PKHD1: variants seen among roughly 807,000 people sequenced by gnomAD.
The protein encoded by PKHD1 is PKHD1 ciliary IPT domain containing fibrocystin/polyductin.
PKHD1 carries 291 observed loss-of-function variants against 412.0 expected under a neutral mutation model. The observed-to-expected ratio is 0.71, with a 90% CI of 0.64 to 0.78. The LOEUF is 0.78. PKHD1 is among the 30% of genes least tolerant of loss of function. The probability of loss-of-function intolerance (pLI) is 0.00; values close to 1 mark genes in which losing one functional copy is unlikely to be tolerated. For missense variants in PKHD1, 4,825 were observed against 4,950.7 expected (o/e 0.97, Z 0.76); for synonymous variants, 1,777 against 1,821.5 (o/e 0.98, Z 0.62).
intron 29 of PKHD1, among the ~76,000 whole-genome samples, chr6:52,029,945 A>C (rs1444047803): frequency 6.6e-6 from 1 of 152,252 alleles, no homozygotes; most frequent in East Asian, 1.9e-4. Flanking sequence ...GAGAAATCCA[A>C]TCTGCAGACA....
chr6:51,881,884 T>C (rs1777431520), intron 46 of PKHD1, among the ~76,000 whole-genome samples: 1 of 152,146 alleles, frequency 6.6e-6, no homozygotes. Context: ...TGCACTTACT[T>C]AAGAGACTGA....
intron 21 of PKHD1, 97 bp downstream of exon 21, chr6:52,052,979 C>G: frequency 9.0e-7 from 1 of 1,108,684 alleles, no homozygotes; most frequent in African/African-American, 1.5e-5. Context: ...GGAGGATCAC[C>G]TGTTCTCTCC....
intron 52 of PKHD1, among the ~76,000 whole-genome samples, chr6:51,802,492 A>T (rs1582779974): frequency 1.3e-5 from 2 of 151,670 alleles, no homozygotes; most frequent in South Asian, 4.1e-4. Flanking sequence ...GGCAACTCTC[A>T]GGTGATCCAA....
At chr6:52,052,996 A>T in intron 21 of PKHD1, 80 bp downstream of exon 21, 1 of 1,371,860 alleles carries the variant, frequency 7.3e-7, no homozygotes, top group South Asian at 1.2e-5. Context: ...CTCCTCATTA[A>T]AAAAAACAGT....
intron 52 of PKHD1, among the ~76,000 whole-genome samples, chr6:51,798,282 G>C (rs537838870): frequency 6.6e-6 from 1 of 152,176 alleles, no homozygotes; most frequent in Admixed American, 6.5e-5. Flanking sequence ...GGGAGGCTGA[G>C]GCACAAGAAT....
chr6:52,046,211 A>G lies in PKHD1; in HGVS notation c.2408-23T>C, dbSNP rs753256396. 1.9e-6 allele frequency: 3 copies of G among 1,543,886 alleles called. No homozygotes were observed. The African/African-American group carries it at 4.1e-5, about 21-fold the overall frequency. ...CATCTGTGAGAGAAGGTTTTGATAC[A>G]GAAAACACAGACACTAATTAATCCA... is the stretch of plus-strand genomic sequence containing the variant. On this transcript the variant is annotated intron_variant, in intron 23 of 66. Coordinates refer to ENST00000371117, the MANE Select transcript of PKHD1 (RefSeq NM_138694.4).
In PKHD1 at chr6:52,028,273, G is replaced by C. The variant is rs904082402; in HGVS notation, c.3443C>G (p.Ala1148Gly). The C allele has an allele frequency of 3.7e-6, 6 of 1,613,950 alleles. No individual in the cohort carries two copies. In the Admixed American group the frequency reaches 8.3e-5, roughly 22 times the overall value. The change falls in exon 30 of 67, where the codon GCC (alanine) becomes GGC (glycine). Residue 1148 changes from alanine to glycine, a missense_variant. Transcript: ENST00000371117. The part of the protein sequence containing the change: ...DLDVEVHVQD[A>G]LAPVHTQSAW... ...CGACTGTGTGTGAACCGGAGCCAAG[G>C]CATCCTGGACGTGGACTTCCACATC...
chr6:51,929,805 G>T (rs1786292306), intron 37 of PKHD1, among the ~76,000 whole-genome samples: 1 of 152,092 alleles, frequency 6.6e-6, no homozygotes, highest in Non-Finnish European at 1.5e-5. Flanking sequence ...CTTCAATCAT[G>T]CCCCACATAC....
rs76256871 is a variant in PKHD1, at chr6:51,973,333, T to C, written c.5752-13307A>G. On this transcript the variant is annotated intron_variant, in intron 35 of 66. Coordinates refer to ENST00000371117, the MANE Select transcript of PKHD1 (RefSeq NM_138694.4). ...CATAAAGCTCAATATAACTTCCATA[T>C]AGCAAAATGCACTTTAATCATTTAC... 6.8e-4 allele frequency among the ~76,000 whole-genome samples: 104 copies of C among 152,318 alleles called. No individual in the cohort carries two copies. The East Asian group carries it at 0.018, about 27-fold the overall frequency.
intron 37 of PKHD1, among the ~76,000 whole-genome samples, chr6:51,917,249 A>G (rs1561872622): frequency 6.6e-6 from 1 of 152,010 alleles, no homozygotes; most frequent in Non-Finnish European, 1.5e-5. Context: ...TTATTAAAAT[A>G]ATGTTTGCAT....
chr6:51,751,922 T>C (rs1262155265), intron 57 of PKHD1, among the ~76,000 whole-genome samples: 1 of 151,966 alleles, frequency 6.6e-6, no homozygotes, highest in Non-Finnish European at 1.5e-5. Context: ...CAAAATAGAG[T>C]TTCTGTTTCC....
intron 26 of PKHD1, 64 bp downstream of exon 26, chr6:52,043,561 C>CATCACTGCAAG: frequency 2.6e-6 from 3 of 1,139,784 alleles, no homozygotes; most frequent in Non-Finnish European, 4.0e-6. Context: ...GCTACATGGC[C>CATCACTGCAAG]TCTAACAAAA....
chr6:52,025,886 T>C lies in PKHD1; in HGVS notation c.3924A>G (p.Gly1308=). The change falls in exon 32 of 67, where the codon GGA becomes GGG. Residue 1308 remains glycine, a synonymous_variant. Coordinates refer to ENST00000371117, the MANE Select transcript of PKHD1 (RefSeq NM_138694.4). Reference sequence around the variant, plus strand: ...GGCTCAGGCTGCTATTTGTGATTTCTCCTTGCATGGCAGTGACTACTGGTG... The same window carrying C: ...GGCTCAGGCTGCTATTTGTGATTTCCCCTTGCATGGCAGTGACTACTGGTG... ...AATPVVTAMQ[G]EITNSSLSLH... is the part of the protein sequence containing the mutation. 6.2e-7 allele frequency: 1 copy of C among 1,614,158 alleles called. No individual in the cohort carries two copies. Among genetic ancestry groups the C allele is most frequent in the Non-Finnish European group, 8.5e-7 (1 of 1,180,030 alleles).
At chr6:52,055,826 TTAAGA>T in intron 18 of PKHD1, 97 bp from the exon 19 acceptor site, 1 of 1,326,176 alleles carries the variant, frequency 7.5e-7, no homozygotes, top group Non-Finnish European at 1.1e-6. Context: ...AGTATCTCAC[TTAAGA>T]AAACCCCCGT....
chr6:51,709,509 G>A (rs1780392180), intron 60 of PKHD1, among the ~76,000 whole-genome samples: 1 of 152,116 alleles, frequency 6.6e-6, no homozygotes, highest in Non-Finnish European at 1.5e-5. Flanking sequence ...CCAACCCCTG[G>A]GAAGATTTTC....
chr6:51,971,454 T>A (rs1366719552), intron 35 of PKHD1, among the ~76,000 whole-genome samples: 1 of 152,172 alleles, frequency 6.6e-6, no homozygotes, highest in East Asian at 1.9e-4. Flanking sequence ...ACACAGGACA[T>A]GCAACATGGA....
chr6:51,804,336 T>G (rs1247524455), intron 52 of PKHD1, among the ~76,000 whole-genome samples: 6 of 107,366 alleles, frequency 5.6e-5, no homozygotes, highest in African/African-American at 2.4e-4. Context: ...TATACATGAC[T>G]AAGTAGAGAA....
At chr6:52,077,050 C>T (rs1811421596) in intron 5 of PKHD1, among the ~76,000 whole-genome samples, 2 of 152,198 alleles carry the variant, frequency 1.3e-5, no homozygotes, top group African/African-American at 2.4e-5. Context: ...CCAAAGCACA[C>T]CCTCTGTTAA....
chr6:52,034,544 A>C (rs1018745851), intron 28 of PKHD1, among the ~76,000 whole-genome samples: 1 of 152,206 alleles, frequency 6.6e-6, no homozygotes, highest in Non-Finnish European at 1.5e-5. Flanking sequence ...TATTGGCCAA[A>C]GTGTCAAAAA....
Sources: allele counts gnomAD v4.1 joint callset (sites outside exome capture counted in the v4.1 genomes callset), GRCh38; gene constraint gnomAD v4.1.1; transcripts MANE v1.5; gene names NCBI Gene and HGNC (gene_info 2026-07-23, HGNC 2026-07-21).